The following CARD6 variants were observed in gnomAD, a reference collection of about 807,000 sequenced individuals.
CARD6 encodes caspase recruitment domain family member 6.
Under a neutral mutation model 23.6 loss-of-function variants are expected in CARD6, and 27 were observed. The ratio of observed to expected loss-of-function variants is 1.14; its 90% CI spans 0.84 to 1.58. The LOEUF is 1.58. CARD6 is among the 40% of genes most tolerant of loss of function. CARD6 has a pLI of 0.00. For missense variants in CARD6, 1,214 were observed against 1,209.9 expected (o/e 1.00, Z -0.05); for synonymous variants, 397 against 431.8 (o/e 0.92, Z 1.00).
In CARD6 at chr5:40,854,552, A is replaced by G; in HGVS notation, c.*106A>G. The G allele has an allele frequency of 2.3e-6, 2 of 878,692 alleles. No individual in the cohort carries two copies. Among genetic ancestry groups the G allele is most frequent in the Non-Finnish European group, 3.6e-6 (2 of 559,242 alleles). The allele number at this position is 878,692 out of a possible 1,614,324, so 54.4% of individuals were successfully genotyped here. A position where few individuals can be genotyped will look rare whatever the true frequency, so the allele number is the denominator to read the frequency against. On this transcript the variant is annotated 3_prime_UTR_variant, in exon 3 of 3. Transcript: ENST00000254691. Reference sequence around the variant, plus strand: ...AAAGTAAAAGACTACTGTCATTAGCATGTAAAACAAAGAAAGATATACATG... The same window carrying G: ...AAAGTAAAAGACTACTGTCATTAGCGTGTAAAACAAAGAAAGATATACATG...
In CARD6 at chr5:40,843,530, C is replaced by G. The variant is rs752166361; in HGVS notation, c.662C>G (p.Pro221Arg). ...KEEYLGSVDT[P>R]EDAEATVEEE... ...GAATATCTAGGATCTGTTGACACCC[C>G]TGAAGATGCAGAAGCCACTGTGGAA... Residue 221 changes from proline (P) to arginine (R), a missense_variant, in exon 2 of 3, where the codon CCT becomes CGT. Coordinates refer to ENST00000254691, the MANE Select transcript of CARD6 (RefSeq NM_032587.4). The G allele has an allele frequency of 6.2e-7, 1 of 1,608,014 alleles. No individual in the cohort carries two copies. The highest frequency in any genetic ancestry group is 8.5e-7 in the Non-Finnish European group (1 of 1,178,284).
Position 40,843,508 on chromosome 5 carries a change from T to G in CARD6, c.640T>G (p.Tyr214Asp). The G allele has an allele frequency of 6.2e-7, 1 of 1,607,876 alleles. No individual in the cohort carries two copies. Among genetic ancestry groups the G allele is most frequent in the South Asian group, 1.1e-5 (1 of 89,800 alleles). Residue 214 changes from tyrosine to aspartate, a missense_variant, in exon 2 of 3, where the codon TAT becomes GAT. Physicochemically the swap from Tyr to Asp is radical, Grantham distance 160. Transcript: ENST00000254691. ...TTCTTTATACTTAGGAAAAGAGGAA[T>G]ATCTAGGATCTGTTGACACCCCTGA... ...DDSLYLGKEE[Y>D]LGSVDTPEDA...
chr5:40,850,469 C>T (rs573073846), intron 2 of CARD6, among the ~76,000 whole-genome samples: 1 of 136,752 alleles, frequency 7.3e-6, no homozygotes, highest in Non-Finnish European at 1.5e-5. Flanking sequence ...AATCCTAGCA[C>T]TTTGGGAGGC....
intron 2 of CARD6, among the ~76,000 whole-genome samples, chr5:40,848,801 C>T (rs1369972319): frequency 6.6e-6 from 1 of 151,872 alleles, no homozygotes; most frequent in Non-Finnish European, 1.5e-5. Context: ...TTCTTTTTGC[C>T]TTAGCTGAGT....
rs375043068 is a variant in CARD6 at position 40,841,407 on chromosome 5, G to C, written c.25G>C (p.Glu9Gln). MATESTPS[E>Q]IIERERKKLL... ...AATGGCTACCGAGAGTACTCCCTCA[G>C]AGATCATAGAAAGAGAAAGAAAAAA... The change falls in exon 1 of 3, where the codon GAG becomes CAG. Residue 9 changes from glutamate to glutamine, a missense_variant. Transcript: ENST00000254691. 25 of 1,610,462 alleles carry C rather than the reference G, an allele frequency of 1.6e-5. No individual in the cohort carries two copies. Among genetic ancestry groups the C allele is most frequent in the Non-Finnish European group, 2.0e-5 (23 of 1,178,904 alleles).
In CARD6 at chr5:40,854,273, C is replaced by A; in HGVS notation, c.2941C>A (p.Gln981Lys). Reference sequence around the variant, plus strand: ...AAAATCCTGTCAGTCCCAGCCCTCCCAAACTAAACCTTCTCCATGCAAATC... The same window carrying A: ...AAAATCCTGTCAGTCCCAGCCCTCCAAAACTAAACCTTCTCCATGCAAATC... ...QTKSCQSQPSQTKPSPCKSTQ... is the reference protein window; with the variant it reads ...QTKSCQSQPSKTKPSPCKSTQ... Residue 981 changes from glutamine to lysine, a missense_variant, in exon 3 of 3, where the codon CAA becomes AAA. Physicochemically the swap from Gln to Lys is moderately conservative, Grantham distance 53. Transcript: ENST00000254691. 6.2e-7 allele frequency: 1 copy of A among 1,614,150 alleles called. No homozygotes were observed. The highest frequency in any genetic ancestry group is 1.1e-5 in the South Asian group (1 of 91,086).
At chr5:40,841,739 G>T in intron 1 of CARD6, 74 bp downstream of exon 1, 1 of 1,235,080 alleles carries the variant, frequency 8.1e-7, no homozygotes. Context: ...CAAAATGAAA[G>T]AAAATTGTTG....
At chr5:40,849,673 T>A (rs1015629316) in intron 2 of CARD6, among the ~76,000 whole-genome samples, 19 of 152,194 alleles carry the variant, frequency 1.2e-4, no homozygotes, top group African/African-American at 4.6e-4. Flanking sequence ...GTACTATCTC[T>A]GTATTTATAA....
In CARD6 at chr5:40,852,800, G is replaced by A; in HGVS notation, c.1468G>A (p.Asp490Asn). 1 of 1,614,152 alleles carries A rather than the reference G, an allele frequency of 6.2e-7. No individual in the cohort carries two copies. Among genetic ancestry groups the A allele is most frequent in the East Asian group, 2.2e-5 (1 of 44,888 alleles). The change falls in exon 3 of 3, where the codon GAT (aspartate) becomes AAT (asparagine). Residue 490 changes from aspartate to asparagine, a missense_variant. Coordinates refer to ENST00000254691, the MANE Select transcript of CARD6 (RefSeq NM_032587.4). ...ATTACACAAAATCTTTCTTCATCAA[G>A]ATTTGCCTCTTTTGGTGCTTCCCCG... ...LKLHKIFLHQ[D>N]LPLLVLPRQI... is the part of the protein sequence containing the mutation.
rs1172576717 is a variant in CARD6, at chr5:40,854,321, C to T, written c.2989C>T (p.Pro997Ser). The T allele has an allele frequency of 6.2e-7, 1 of 1,614,152 alleles. No homozygotes were observed. Among genetic ancestry groups the T allele is most frequent in the Non-Finnish European group, 8.5e-7 (1 of 1,180,004 alleles). ...CKSTQPKPSQ[P>S]WPPQSKPSQP... ...ATCTACTCAGCCTAAGCCAAGCCAG[C>T]CCTGGCCTCCCCAGTCTAAGCCTTC... Residue 997 changes from proline to serine, a missense_variant, in exon 3 of 3, where the codon CCC becomes TCC. By Grantham distance (74) the Pro-to-Ser change is moderately conservative. Transcript: ENST00000254691.
At position 40,853,576 on chromosome 5, in the gene CARD6, A is replaced by C. The variant is rs1746123749; in HGVS notation, c.2244A>C (p.Lys748Asn). The change falls in exon 3 of 3, where the codon AAA becomes AAC. Residue 748 changes from lysine to asparagine, a missense_variant. By Grantham distance (94) the Lys-to-Asn change is moderately conservative. Coordinates refer to ENST00000254691, the MANE Select transcript of CARD6 (RefSeq NM_032587.4). ...IGGNFNHVSL[K>N]ASWVMGRPFG... ...GTAACTTTAACCATGTTTCCTTGAA[A>C]GCCTCCTGGGTTATGGGCCGCCCCT... The C allele has an allele frequency of 6.2e-7, 1 of 1,614,088 alleles. No homozygotes were observed. The highest frequency in any genetic ancestry group is 8.5e-7 in the Non-Finnish European group (1 of 1,180,044).
Position 40,852,413 on chromosome 5 carries a change from G to A in CARD6, c.1081G>A (p.Gly361Arg). 6.2e-7 allele frequency: 1 copy of A among 1,614,150 alleles called. No homozygotes were observed. Among genetic ancestry groups the A allele is most frequent in the Non-Finnish European group, 8.5e-7 (1 of 1,180,026 alleles). ...DEDSKEDLLAGVENLEIRDIQ... is the reference protein window; with the variant it reads ...DEDSKEDLLARVENLEIRDIQ... ...AGATAGCAAGGAGGATTTGCTGGCT[G>A]GAGTGGAGAATTTGGAAATTCGAGA... The change falls in exon 3 of 3, where the codon GGA becomes AGA. Residue 361 changes from glycine to arginine, a missense_variant. By Grantham distance (125) the Gly-to-Arg change is moderately radical. Transcript: ENST00000254691.
In CARD6 at chr5:40,854,598, T is replaced by A; in HGVS notation, c.*152T>A. On this transcript the variant is annotated 3_prime_UTR_variant, in exon 3 of 3. Transcript: ENST00000254691. ...ACATGACTGAATTGGATATCTTTGT[T>A]TGTTTGTTTGAGACAGAGTTTCACT... 1 of 687,274 alleles carries A rather than the reference T, an allele frequency of 1.5e-6. No homozygotes were observed. Among genetic ancestry groups the A allele is most frequent in the East Asian group, 2.7e-5 (1 of 37,084 alleles). The allele number at this position is 687,274 out of a possible 1,614,324, so 42.6% of individuals were successfully genotyped here. A position where few individuals can be genotyped will look rare whatever the true frequency, so the allele number is the denominator to read the frequency against.
chr5:40,853,272 C>A lies in CARD6; in HGVS notation c.1940C>A (p.Ala647Asp), dbSNP rs1420402326. 3.1e-6 allele frequency: 5 copies of A among 1,614,032 alleles called. No homozygotes were observed. The highest frequency in any genetic ancestry group is 1.7e-5 in the Admixed American group (1 of 59,984). Residue 647 changes from alanine (A) to aspartate (D), a missense_variant, in exon 3 of 3, where the codon GCC becomes GAC. Transcript: ENST00000254691. The stretch of plus-strand genomic sequence containing the variant: ...AGATGTGTGTCTGTGGAGGATATGG[C>A]CGCCCTGGCCAGGGAGCTGGGGATT... Reference protein sequence around the residue: ...CLRCVSVEDMAALARELGIQV... With the variant: ...CLRCVSVEDMDALARELGIQV...
chr5:40,845,337 A>G (rs1745948326), intron 2 of CARD6, among the ~76,000 whole-genome samples: 4 of 152,184 alleles, frequency 2.6e-5, no homozygotes, highest in Admixed American at 2.6e-4. Flanking sequence ...AAAAAAGGAC[A>G]CCAGTCATAT....
At position 40,852,801 on chromosome 5, in the gene CARD6, A is replaced by G; in HGVS notation, c.1469A>G (p.Asp490Gly). Residue 490 changes from aspartate (D) to glycine (G), a missense_variant, in exon 3 of 3, where the codon GAT becomes GGT. Asp to Gly is a moderately conservative substitution (Grantham distance 94, BLOSUM62 -1). Transcript: ENST00000254691. ...LKLHKIFLHQ[D>G]LPLLVLPRQI... ...TTACACAAAATCTTTCTTCATCAAG[A>G]TTTGCCTCTTTTGGTGCTTCCCCGG... 1 of 1,614,164 alleles carries G rather than the reference A, an allele frequency of 6.2e-7. No individual in the cohort carries two copies. Among genetic ancestry groups the G allele is most frequent in the Non-Finnish European group, 8.5e-7 (1 of 1,180,028 alleles).
chr5:40,853,868 G>A lies in CARD6; in HGVS notation c.2536G>A (p.Ala846Thr). ...MGTLERSRAV[A>T]SKIGHSYSLD... ...AACTCTTGAAAGGTCTAGGGCAGTA[G>A]CCTCCAAGATAGGTCACTCCTATTC... The change falls in exon 3 of 3, where the codon GCC (alanine) becomes ACC (threonine). Residue 846 changes from alanine (A) to threonine (T), a missense_variant. Physicochemically the swap from Ala to Thr is moderately conservative, Grantham distance 58. Transcript: ENST00000254691. 6.2e-7 allele frequency: 1 copy of A among 1,614,190 alleles called. No individual in the cohort carries two copies. Among genetic ancestry groups the A allele is most frequent in the African/African-American group, 1.3e-5 (1 of 75,038 alleles).
In CARD6 at chr5:40,843,162, A is replaced by G; in HGVS notation, c.294A>G (p.Lys98=). 6.4e-7 allele frequency: 1 copy of G among 1,571,388 alleles called. No homozygotes were observed. The highest frequency in any genetic ancestry group is 8.6e-7 in the Non-Finnish European group (1 of 1,165,352). Reference sequence around the variant, plus strand: ...TTCTTTTCTTTGCAGAAGTTTTAAAACATGAGAATACAGTACCTCCTCAAT... The same window carrying G: ...TTCTTTTCTTTGCAGAAGTTTTAAAGCATGAGAATACAGTACCTCCTCAAT... The part of the protein sequence containing the change: ...AICGLRHEVL[K]HENTVPPQSM... Residue 98 remains lysine, a synonymous_variant, in exon 2 of 3, where the codon AAA becomes AAG. Transcript: ENST00000254691.
At chr5:40,849,749 G>A (rs1022480108) in intron 2 of CARD6, among the ~76,000 whole-genome samples, 1 of 152,118 alleles carries the variant, frequency 6.6e-6, no homozygotes, top group African/African-American at 2.4e-5. Context: ...GCTGAGGCAG[G>A]CAGATTAATT....
Sources: allele counts gnomAD v4.1 joint callset (sites outside exome capture counted in the v4.1 genomes callset), GRCh38; gene constraint gnomAD v4.1.1; transcripts MANE v1.5; gene names NCBI Gene and HGNC (gene_info 2026-07-23, HGNC 2026-07-21).